The following PXK variants were observed in gnomAD, a reference collection of about 807,000 sequenced individuals.
PXK encodes PX domain containing serine/threonine kinase like, also known as PX domain-containing protein kinase-like protein.
In PXK, 35 loss-of-function variants were observed where a neutral mutation model predicts 84.7. That is an observed-to-expected ratio of 0.41 (90% confidence interval 0.32 to 0.55). PXK has a LOEUF of 0.55. Among genes scored for constraint, PXK ranks in the 20% least tolerant of loss-of-function variants. The probability of loss-of-function intolerance (pLI) is 0.21; values close to 1 mark genes in which losing one functional copy is unlikely to be tolerated. For synonymous variants in PXK, 253 were observed against 260.8 expected (o/e 0.97, Z 0.29); for missense variants, 634 against 699.7 (o/e 0.91, Z 1.06).
At chr3:58,357,933 C>A (rs1263160981) in intron 1 of PXK, among the ~76,000 whole-genome samples, 1 of 151,620 alleles carries the variant, frequency 6.6e-6, no homozygotes, top group African/African-American at 2.4e-5. Context: ...GCATGTCACT[C>A]CAGCCTGGGT....
At chr3:58,376,801 G>A (rs929243309) in intron 3 of PXK, among the ~76,000 whole-genome samples, 2 of 151,950 alleles carry the variant, frequency 1.3e-5, no homozygotes, top group African/African-American at 4.8e-5. Context: ...CACCATGCCT[G>A]ACTAGTTTTT....
chr3:58,415,377 T>C (rs2060803719), intron 17 of PXK, among the ~76,000 whole-genome samples: 1 of 152,244 alleles, frequency 6.6e-6, no homozygotes, highest in Non-Finnish European at 1.5e-5. Flanking sequence ...GTTCCCACCG[T>C]TAATTTGCTG....
At chr3:58,424,664 C>T (rs536702811) in intron 17 of PXK, 88 bp from the exon 18 acceptor site, 4 of 1,500,870 alleles carry the variant, frequency 2.7e-6, no homozygotes, top group Admixed American at 4.3e-5. Flanking sequence ...TGGACTCTCA[C>T]CAGTCCGTTG....
Position 58,424,771 on chromosome 3 carries a change from A to ACCT in PXK, c.1554_1556dup (p.Pro524dup). ...CCACAGGGATATCTGCATTACCTCC[A>ACCT]CCTCCTCCACCTCCACCACCACCAG... On this transcript the variant is annotated inframe_insertion, in exon 18 of 18. Transcript: ENST00000356151. 1.2e-6 allele frequency: 2 copies of ACCT among 1,613,072 alleles called. No individual in the cohort carries two copies. Among genetic ancestry groups the ACCT allele is most frequent in the South Asian group, 2.2e-5 (2 of 91,002 alleles).
chr3:58,353,581 G>A (rs2097991126), intron 1 of PXK, among the ~76,000 whole-genome samples: 1 of 152,190 alleles, frequency 6.6e-6, no homozygotes, highest in Admixed American at 6.5e-5. Flanking sequence ...AATTCTAAGT[G>A]AAATATTAAG....
Position 58,409,433 on chromosome 3 carries a change from T to C in PXK, c.1309-99T>C. The C allele has an allele frequency of 9.0e-7, 1 of 1,107,320 alleles. No homozygotes were observed. The highest frequency in any genetic ancestry group is 1.3e-6 in the Non-Finnish European group (1 of 746,080). The allele number at this position is 1,107,320 out of a possible 1,614,324, so 68.6% of individuals were successfully genotyped here. Reference sequence around the variant, plus strand: ...GCCTGAGCAAGGAAAGATTTTCTTTTATCCCAATAAAATGTGGTTTGCCAA... The same window carrying C: ...GCCTGAGCAAGGAAAGATTTTCTTTCATCCCAATAAAATGTGGTTTGCCAA... On this transcript the variant is annotated intron_variant, in intron 14 of 17. Transcript: ENST00000356151. This position sits in a 1 kb window ranked among gnomAD's most constrained non-coding sequence, Gnocchi z 4.2.
intron 3 of PXK, among the ~76,000 whole-genome samples, chr3:58,373,945 T>C (rs1316881768): frequency 6.7e-6 from 1 of 149,498 alleles, no homozygotes; most frequent in East Asian, 2.0e-4. Context: ...CTCGGGAGGC[T>C]GAGGCAGGAG....
In PXK at chr3:58,413,029, C is replaced by T. The variant is rs961809402; in HGVS notation, c.1528+66C>T. The T allele has an allele frequency of 1.9e-6, 3 of 1,550,852 alleles. No individual in the cohort carries two copies. The African/African-American group carries it at 4.1e-5, about 21-fold the overall frequency. ...CCAACAGGAGGAGCGGGCTGTGCCT[C>T]TTCCTGCCTTGGCCCAACAATTTCA... is the stretch of plus-strand genomic sequence containing the variant. On this transcript the variant is annotated intron_variant, in intron 17 of 17. Transcript: ENST00000356151.
At chr3:58,396,431 C>T (rs11917529) in intron 9 of PXK, among the ~76,000 whole-genome samples, 44,640 of 152,058 alleles carry the variant, frequency 0.29, 7,342 homozygotes, top group Middle Eastern at 0.39. Context: ...TCTGGGCACC[C>T]CACTTGCCTA....
Position 58,395,066 on chromosome 3 carries a change from T to A in PXK, c.684T>A (p.Phe228Leu). Reference protein sequence around the residue: ...NESSALLIRMFNEKGTLKDLI... With the variant: ...NESSALLIRMLNEKGTLKDLI... ...CCTCAGCGTTGCTAATTAGGATGTT[T>A]AACGAAAAGGGAACATTGAAGGATC... Residue 228 changes from phenylalanine (F) to leucine (L), a missense_variant, in exon 8 of 18, where the codon TTT becomes TTA. Physicochemically the swap from Phe to Leu is conservative, Grantham distance 22. Transcript: ENST00000356151. The A allele has an allele frequency of 6.2e-7, 1 of 1,613,414 alleles. No individual in the cohort carries two copies. The highest frequency in any genetic ancestry group is 8.5e-7 in the Non-Finnish European group (1 of 1,179,348).
chr3:58,370,174 A>G lies in PXK; in HGVS notation c.201+696A>G, dbSNP rs1382157660. Among the ~76,000 whole-genome samples the G allele has an allele frequency of 6.6e-6, 1 of 152,212 alleles. No individual in the cohort carries two copies. Among genetic ancestry groups the G allele is most frequent in the African/African-American group, 2.4e-5 (1 of 41,452 alleles). ...CTACATATCAGCTCTGCGGATCAACATGCAGCAGTAACTGAGAGTCTCAAC... is the reference window on the plus strand; with the variant it reads ...CTACATATCAGCTCTGCGGATCAACGTGCAGCAGTAACTGAGAGTCTCAAC... On this transcript the variant is annotated intron_variant, in intron 3 of 17. Transcript: ENST00000356151. The surrounding 1 kb of genome is among the most constrained non-coding windows in gnomAD (Gnocchi z 4.2).
intron 1 of PXK, among the ~76,000 whole-genome samples, chr3:58,336,666 T>C (rs2097619125): frequency 6.6e-6 from 1 of 152,178 alleles, no homozygotes; most frequent in African/African-American, 2.4e-5. Flanking sequence ...GAAAACTTTT[T>C]AAAGTTAGTA....
Position 58,333,000 on chromosome 3 carries a change from G to A in PXK, c.12G>A (p.Met4Ile). 3 of 1,369,326 alleles carry A rather than the reference G, an allele frequency of 2.2e-6. No homozygotes were observed. Among genetic ancestry groups the A allele is most frequent in the Non-Finnish European group, 2.9e-6 (3 of 1,048,708 alleles). The allele number at this position is 1,369,326 out of a possible 1,614,324, so 84.8% of individuals were successfully genotyped here. The change falls in exon 1 of 18, where the codon ATG (methionine) becomes ATA (isoleucine). Residue 4 changes from methionine (M) to isoleucine (I), a missense_variant. Met to Ile is a conservative substitution (Grantham distance 10). Coordinates refer to ENST00000356151, the MANE Select transcript of PXK (RefSeq NM_017771.5). This position sits in a 1 kb window ranked among gnomAD's most constrained non-coding sequence, Gnocchi z 5.6. MAF[M>I]EKPPAGKVLL... ...CCGGGCGTCCCGGGATGGCCTTCATGGAGAAGCCGCCAGCCGGCAAGGTGC... is the reference window on the plus strand; with the variant it reads ...CCGGGCGTCCCGGGATGGCCTTCATAGAGAAGCCGCCAGCCGGCAAGGTGC...
chr3:58,351,230 A>G (rs1359237404), intron 1 of PXK, among the ~76,000 whole-genome samples: 3 of 152,146 alleles, frequency 2.0e-5, no homozygotes, highest in African/African-American at 7.2e-5. Flanking sequence ...TTTCCAAGAA[A>G]GGGTCTCACT....
rs577269988 is a variant in PXK, at chr3:58,407,827, G to A, written c.1231-1097G>A. On this transcript the variant is annotated intron_variant, in intron 13 of 17. Coordinates refer to ENST00000356151, the MANE Select transcript of PXK (RefSeq NM_017771.5). This position sits in a 1 kb window ranked among gnomAD's most constrained non-coding sequence, Gnocchi z 4.3. The stretch of plus-strand genomic sequence containing the variant: ...CCACCTCAGCCTCCCAAAGTATTGG[G>A]ATTACAGGCGTGAGCCACCTTGCCC... 2.0e-5 allele frequency among the ~76,000 whole-genome samples: 3 copies of A among 152,230 alleles called. No individual in the cohort carries two copies. Among genetic ancestry groups the A allele is most frequent in the African/African-American group, 7.2e-5 (3 of 41,458 alleles).
intron 1 of PXK, among the ~76,000 whole-genome samples, chr3:58,358,535 C>T (rs1248885671): frequency 6.6e-6 from 1 of 152,214 alleles, no homozygotes; most frequent in Non-Finnish European, 1.5e-5. Context: ...TCCTGTATCC[C>T]AAGCCTCCAT....
At position 58,414,401 on chromosome 3, in the gene PXK, T is replaced by C. The variant is rs964970930; in HGVS notation, c.1528+1438T>C. ...GCCGGTTCTTATCTCTAAATGCCTT[T>C]GGGAATTTACAATTTATTTGGACTT... On this transcript the variant is annotated intron_variant, in intron 17 of 17. Coordinates refer to ENST00000356151, the MANE Select transcript of PXK (RefSeq NM_017771.5). This position sits in a 1 kb window ranked among gnomAD's most constrained non-coding sequence, Gnocchi z 4.5. 1 of 152,294 alleles carries C rather than the reference T, an allele frequency of 6.6e-6. No individual in the cohort carries two copies. Among genetic ancestry groups the C allele is most frequent in the Non-Finnish European group, 1.5e-5 (1 of 68,064 alleles). The allele number at this position is 152,294 out of a possible 1,614,324, so 9.4% of individuals were successfully genotyped here. A position where few individuals can be genotyped will look rare whatever the true frequency, so the allele number is the denominator to read the frequency against.
chr3:58,398,356 CGA>C lies in PXK; in HGVS notation c.1102+637_1102+638del, dbSNP rs1316161251. Among the ~76,000 whole-genome samples the C allele has an allele frequency of 4.0e-5, 6 of 151,876 alleles. No individual in the cohort carries two copies. The highest frequency in any genetic ancestry group is 1.2e-4 in the African/African-American group (5 of 41,318). ...TTGGGAGGTGGAGGTTGCAGTGAGC[CGA>C]GATTGCGCCACTGCACTCCAGCCTG... On this transcript the variant is annotated intron_variant, in intron 11 of 17. Transcript: ENST00000356151. The surrounding 1 kb of genome is among the most constrained non-coding windows in gnomAD (Gnocchi z 4.5).
At position 58,356,978 on chromosome 3, in the gene PXK, C is replaced by T. The variant is rs1160341379; in HGVS notation, c.103-8896C>T. 4.7e-5 allele frequency among the ~76,000 whole-genome samples: 7 copies of T among 150,086 alleles called. 1 individual carries two copies. The South Asian group carries it at 1.1e-3, about 23-fold the overall frequency. On this transcript the variant is annotated intron_variant, in intron 1 of 17. Transcript: ENST00000356151. Reference sequence around the variant, plus strand: ...CTTTTGATTAGGCTGGTTGGTATATCGAGCAATCTAGAAAACTTCAGGCTG... The same window carrying T: ...CTTTTGATTAGGCTGGTTGGTATATTGAGCAATCTAGAAAACTTCAGGCTG...
Sources: gnomAD v4.1 joint callset for allele counts (sites outside exome capture counted in the v4.1 genomes callset) on GRCh38, gnomAD v4.1.1 for gene constraint, Gnocchi (gnomAD v3.1) non-coding constraint, MANE v1.5 for transcripts, NCBI Gene and HGNC (gene_info 2026-07-23, HGNC 2026-07-21) for gene names.